The following ADD2 variants were observed in gnomAD, a reference collection of about 807,000 sequenced individuals.
ADD2 encodes beta-adducin.
In ADD2, 23 loss-of-function variants were observed where a neutral mutation model predicts 83.0. The ratio of observed to expected loss-of-function variants is 0.28; its 90% CI spans 0.20 to 0.39. The LOEUF is 0.39. Among genes scored for constraint, ADD2 ranks in the 10% least tolerant of loss-of-function variants. The pLI is 1.00. For synonymous variants in ADD2, 375 were observed against 375.4 expected, an observed-to-expected ratio of 1.00 and a Z score of 0.01; for missense variants, 758 against 944.9, an observed-to-expected ratio of 0.80 and a Z score of 2.59.
Position 70,663,491 on chromosome 2 carries a change from C to T in ADD2, c.2115G>A (p.Lys705=). Residue 705 remains lysine (K), a synonymous_variant, in exon 16 of 16, where the codon AAG becomes AAA. Coordinates refer to ENST00000264436, the MANE Select transcript of ADD2 (RefSeq NM_001617.4). ...EGSPSKSPSK[K]KKKFRTPSFL... is the part of the protein sequence containing the mutation. Reference sequence around the variant, plus strand: ...AGGAGGGGGTTCGGAATTTCTTTTTCTTCTTTGAGGGAGACTTGGAAGGTG... The same window carrying T: ...AGGAGGGGGTTCGGAATTTCTTTTTTTTCTTTGAGGGAGACTTGGAAGGTG... 6.2e-7 allele frequency: 1 copy of T among 1,613,956 alleles called. No homozygotes were observed. Among genetic ancestry groups the T allele is most frequent in the Non-Finnish European group, 8.5e-7 (1 of 1,179,964 alleles).
intron 6 of ADD2, among the ~76,000 whole-genome samples, chr2:70,692,756 T>C (rs1418154082): frequency 3.9e-5 from 6 of 152,134 alleles, no homozygotes; most frequent in African/African-American, 1.4e-4. Flanking sequence ...CAGACGATTA[T>C]AATTCAGCAG....
chr2:70,758,490 A>G (rs1397379574), intron 1 of ADD2, among the ~76,000 whole-genome samples: 1 of 152,202 alleles, frequency 6.6e-6, no homozygotes, highest in Admixed American at 6.5e-5. Flanking sequence ...CAGCCTACCT[A>G]GAGGGTAGAG....
intron 4 of ADD2, among the ~76,000 whole-genome samples, chr2:70,703,742 A>G (rs1039476221): frequency 6.6e-6 from 1 of 152,214 alleles, no homozygotes; most frequent in African/African-American, 2.4e-5. Context: ...CATAATCTAT[A>G]TATGTTAAGA....
At chr2:70,670,760 GC>G (rs1669861986) in intron 15 of ADD2, among the ~76,000 whole-genome samples, 1 of 152,206 alleles carries the variant, frequency 6.6e-6, no homozygotes, top group Non-Finnish European at 1.5e-5. Flanking sequence ...AGTCCAGCAA[GC>G]CTGTGAGCAG....
chr2:70,734,603 CAG>C (rs1387467587), intron 1 of ADD2, among the ~76,000 whole-genome samples: 3 of 152,258 alleles, frequency 2.0e-5, no homozygotes, highest in South Asian at 4.2e-4. Context: ...GGAAGAAAGA[CAG>C]AGGAGTGAGC....
intron 1 of ADD2, among the ~76,000 whole-genome samples, chr2:70,752,169 C>G (rs1395040156): frequency 1.3e-5 from 2 of 152,112 alleles, no homozygotes; most frequent in African/African-American, 4.8e-5. Flanking sequence ...AACCCTAATT[C>G]TCTAAGCATA....
chr2:70,735,346 GACAGTATTAGCACATCAAAACTCCATC>G (rs1273211974), intron 1 of ADD2, among the ~76,000 whole-genome samples: 1 of 152,164 alleles, frequency 6.6e-6, no homozygotes, highest in Non-Finnish European at 1.5e-5. Context: ...ATGTTAATCT[GACAGTATTAGCACATCAAAACTCCATC>G]ACATGGGGGG....
intron 2 of ADD2, among the ~76,000 whole-genome samples, chr2:70,711,434 C>A (rs1366112982): frequency 1.3e-5 from 2 of 151,996 alleles, no homozygotes; most frequent in East Asian, 3.9e-4. Flanking sequence ...CACCCCCCAC[C>A]AATCCCGCCA....
Position 70,706,456 on chromosome 2 carries a change from G to A in ADD2, c.-34-14C>T, listed in dbSNP as rs782665282. The stretch of plus-strand genomic sequence containing the variant: ...GCTCCTGGAACTCTACAGAGAAGGG[G>A]AGAGGGTATGCGGTCAGGTTGGTGC... On this transcript the variant is annotated splice_polypyrimidine_tract_variant and intron_variant, in intron 2 of 15. Coordinates refer to ENST00000264436, the MANE Select transcript of ADD2 (RefSeq NM_001617.4). The surrounding 1 kb of genome is among the most constrained non-coding windows in gnomAD (Gnocchi z 5.0). The A allele has an allele frequency of 1.9e-6, 3 of 1,565,860 alleles. No homozygotes were observed. The highest frequency in any genetic ancestry group is 1.3e-5 in the African/African-American group (1 of 74,184).
chr2:70,702,991 TG>T (rs1370371720), intron 4 of ADD2, among the ~76,000 whole-genome samples: 1 of 152,028 alleles, frequency 6.6e-6, no homozygotes, highest in East Asian at 1.9e-4. Context: ...GCCAGGCATG[TG>T]GTGCGTGCCC....
In ADD2 at chr2:70,660,062, C is replaced by A. The variant is rs1441915123; in HGVS notation, c.*3363G>T. 1 of 152,226 alleles carries A rather than the reference C, an allele frequency of 6.6e-6. No homozygotes were observed. Among genetic ancestry groups the A allele is most frequent in the Non-Finnish European group, 1.5e-5 (1 of 68,052 alleles). The allele number at this position is 152,226 out of a possible 1,614,324, so 9.4% of individuals were successfully genotyped here. The stretch of plus-strand genomic sequence containing the variant: ...GTCAAAGTTTTCAGCCAACTTTTAT[C>A]CACAGCCAAAGAAAATGGCCTTTCC... On this transcript the variant is annotated 3_prime_UTR_variant, in exon 16 of 16. Coordinates refer to ENST00000264436, the MANE Select transcript of ADD2 (RefSeq NM_001617.4).
chr2:70,690,367 G>T (rs1574247304), intron 8 of ADD2, among the ~76,000 whole-genome samples: 1 of 152,308 alleles, frequency 6.6e-6, no homozygotes, highest in East Asian at 1.9e-4. Context: ...AAAGTGTTGG[G>T]ATTACGGGCA....
chr2:70,681,790 T>C (rs1670463204), intron 10 of ADD2, among the ~76,000 whole-genome samples: 1 of 152,142 alleles, frequency 6.6e-6, no homozygotes, highest in Non-Finnish European at 1.5e-5. Flanking sequence ...TGAATTCCAA[T>C]ATTATTCTAG....
At chr2:70,680,115 TG>T (rs1670382479) in intron 10 of ADD2, among the ~76,000 whole-genome samples, 1 of 152,208 alleles carries the variant, frequency 6.6e-6, no homozygotes, top group South Asian at 2.1e-4. Flanking sequence ...GTGCCGTGCT[TG>T]ATAAGTCTTC....
intron 8 of ADD2, among the ~76,000 whole-genome samples, chr2:70,688,617 G>C (rs1328867237): frequency 6.6e-6 from 1 of 152,120 alleles, no homozygotes; most frequent in Non-Finnish European, 1.5e-5. Flanking sequence ...AAAACCCAGG[G>C]GGCGGCTCTC....
intron 1 of ADD2, among the ~76,000 whole-genome samples, chr2:70,716,770 T>A (rs999517092): frequency 6.6e-6 from 1 of 152,078 alleles, no homozygotes; most frequent in Non-Finnish European, 1.5e-5. Context: ...AAGGGTAAGG[T>A]GCTGAGTGTT....
At chr2:70,767,789 C>T (rs1373149901) in intron 1 of ADD2, 97 bp downstream of exon 1, 17 of 1,501,202 alleles carry the variant, frequency 1.1e-5, no homozygotes, top group East Asian at 2.5e-5. Flanking sequence ...CCCACCTGGG[C>T]CAAGCGGCTC....
rs1306031217 is a variant in ADD2, at chr2:70,662,452, G to A, written c.*973C>T. 6.6e-6 allele frequency: 1 copy of A among 152,256 alleles called. No individual in the cohort carries two copies. The highest frequency in any genetic ancestry group is 2.4e-5 in the African/African-American group (1 of 41,442). 9.4% of individuals were successfully genotyped at this position (152,256 alleles called of 1,614,324 possible). A position where few individuals can be genotyped will look rare whatever the true frequency, so the allele number is the denominator to read the frequency against. ...GGTCTGTAAGCAAGTGTTTCTGGGG[G>A]TGAGGGAAGGTCAGGGGAAACCTGA... On this transcript the variant is annotated 3_prime_UTR_variant, in exon 16 of 16. Transcript: ENST00000264436.
intron 15 of ADD2, among the ~76,000 whole-genome samples, chr2:70,670,199 G>T (rs1170347118): frequency 2.0e-5 from 3 of 152,204 alleles, no homozygotes; most frequent in African/African-American, 4.8e-5. Flanking sequence ...TACTGTATTA[G>T]CTCTCACAAT....
Sources: allele counts gnomAD v4.1 joint callset (sites outside exome capture counted in the v4.1 genomes callset), GRCh38; gene constraint gnomAD v4.1.1; non-coding constraint Gnocchi (gnomAD v3.1); transcripts MANE v1.5; gene names NCBI Gene and HGNC (gene_info 2026-07-23, HGNC 2026-07-21).